Variants in KCNMA1 observed in about 807,000 individuals in gnomAD.
KCNMA1 encodes the protein potassium calcium-activated channel subfamily M alpha 1.
A neutral mutation model predicts 140.0 loss-of-function variants in KCNMA1; 29 were observed. The ratio of observed to expected loss-of-function variants is 0.21; its 90% CI spans 0.15 to 0.28. The LOEUF (loss-of-function observed/expected upper bound fraction) is 0.28, where lower values mean the gene tolerates loss of function less well. Ranked by LOEUF, KCNMA1 falls within the 10% of genes least tolerant of loss-of-function variation. The pLI is 1.00. For synonymous variants in KCNMA1, 612 were observed against 611.9 expected (o/e 1.00, Z 0.00); for missense variants, 880 against 1,602.2 (o/e 0.55, Z 7.70).
At chr10:77,548,013 A>T (rs1459820177) in intron 1 of KCNMA1, among the ~76,000 whole-genome samples, 1 of 152,086 alleles carries the variant, frequency 6.6e-6, no homozygotes, top group African/African-American at 2.4e-5. Context: ...ATTAAAAAAA[A>T]AAAATTGCCA....
chr10:77,320,999 C>T (rs2082188966), intron 2 of KCNMA1, among the ~76,000 whole-genome samples: 1 of 152,168 alleles, frequency 6.6e-6, no homozygotes, highest in Non-Finnish European at 1.5e-5. Flanking sequence ...ATTCACATCC[C>T]CCATCAAAAT....
chr10:77,030,527 A>C (rs2093855875), intron 15 of KCNMA1, among the ~76,000 whole-genome samples: 1 of 152,196 alleles, frequency 6.6e-6, no homozygotes, highest in Non-Finnish European at 1.5e-5. Flanking sequence ...CTAATATCCT[A>C]TGAGCAATGA....
chr10:77,095,470 C>G (rs1016844468), intron 9 of KCNMA1, among the ~76,000 whole-genome samples: 1 of 152,130 alleles, frequency 6.6e-6, no homozygotes, highest in African/African-American at 2.4e-5. Context: ...CCAGTGTGAG[C>G]AAGTAGTGCC....
intron 2 of KCNMA1, among the ~76,000 whole-genome samples, chr10:77,329,879 T>C (rs191795195): frequency 2.6e-5 from 4 of 152,264 alleles, no homozygotes; most frequent in Admixed American, 2.0e-4. Context: ...ACAAAAATAA[T>C]ACTTAGTTCA....
intron 1 of KCNMA1, among the ~76,000 whole-genome samples, chr10:77,545,065 T>C (rs536388031): frequency 1.7e-4 from 26 of 152,284 alleles, no homozygotes; most frequent in African/African-American, 5.3e-4. Flanking sequence ...CACTGAATGA[T>C]TAGTTTAAAT....
rs534022373 is a variant in KCNMA1 at position 77,509,896 on chromosome 10, G to A, written c.379-105873C>T. On this transcript the variant is annotated intron_variant, in intron 1 of 27. Transcript: ENST00000286628. ...CTCAGCAAGGCACAGCTAAATTCTG[G>A]GGATCATTAGTTGTCAAACACCAAC... Among the ~76,000 whole-genome samples the A allele has an allele frequency of 3.3e-5, 5 of 152,128 alleles. No individual in the cohort carries two copies. The South Asian group carries it at 1.0e-3, about 32-fold the overall frequency.
chr10:77,626,064 G>T (rs564431552), intron 1 of KCNMA1, among the ~76,000 whole-genome samples: 36 of 151,728 alleles, frequency 2.4e-4, no homozygotes, highest in African/African-American at 8.5e-4. Context: ...AGATGTGACT[G>T]TGTCCTTTTT....
intron 1 of KCNMA1, among the ~76,000 whole-genome samples, chr10:77,449,934 G>T (rs370920039): frequency 6.7e-6 from 1 of 148,590 alleles, no homozygotes. Context: ...GAGCCACCAC[G>T]CCTGGCCTAT....
intron 3 of KCNMA1, among the ~76,000 whole-genome samples, chr10:77,198,214 G>T (rs780905990): frequency 6.6e-6 from 1 of 152,208 alleles, no homozygotes; most frequent in Admixed American, 6.5e-5. Context: ...CAGAGCTGAA[G>T]CGGGTCAGAT....
At chr10:77,251,144 G>T in intron 3 of KCNMA1, 51 bp downstream of exon 3, 1 of 1,373,416 alleles carries the variant, frequency 7.3e-7, no homozygotes, top group Non-Finnish European at 1.0e-6. Flanking sequence ...CAATGTAAAG[G>T]CTCATGATTG....
downstream of KCNMA1, among the ~76,000 whole-genome samples, chr10:76,883,728 T>TTTG (rs2035601462): frequency 6.7e-6 from 1 of 150,066 alleles, no homozygotes; most frequent in African/African-American, 2.4e-5. Flanking sequence ...CTTGTTTTTT[T>TTTG]TTTTTTTTTT....
At chr10:76,952,265 A>G in intron 21 of KCNMA1, 2 of 1,305,078 alleles carry the variant, frequency 1.5e-6, no homozygotes, top group South Asian at 3.1e-5. Flanking sequence ...TCACGCCTGT[A>G]ATCCCAGCAC....
intron 1 of KCNMA1, among the ~76,000 whole-genome samples, chr10:77,470,711 G>A (rs1005100546): frequency 1.3e-5 from 2 of 152,148 alleles, no homozygotes. Context: ...TGCAGGCTCC[G>A]CCATCTTACT....
At chr10:77,156,332 G>T (rs1370127492) in intron 5 of KCNMA1, among the ~76,000 whole-genome samples, 1 of 151,564 alleles carries the variant, frequency 6.6e-6, no homozygotes, top group East Asian at 1.9e-4. Context: ...TGTCTTAGGA[G>T]GTAAAAGTTA....
intron 1 of KCNMA1, among the ~76,000 whole-genome samples, chr10:77,438,713 A>G (rs1289985682): frequency 6.6e-6 from 1 of 152,248 alleles, no homozygotes; most frequent in Non-Finnish European, 1.5e-5. Flanking sequence ...AAAAAGGGGC[A>G]GAGCCAGGAT....
intron 3 of KCNMA1, among the ~76,000 whole-genome samples, chr10:77,247,101 C>T (rs1176796635): frequency 1.3e-5 from 2 of 152,244 alleles, no homozygotes; most frequent in East Asian, 3.8e-4. Flanking sequence ...GTGAGCAGGA[C>T]TTGACCTTCA....
chr10:77,019,133 C>T, intron 16 of KCNMA1, 34 bp from the exon 17 acceptor site: 1 of 1,144,246 alleles, frequency 8.7e-7, no homozygotes, highest in Non-Finnish European at 1.3e-6. Flanking sequence ...AGAGAAGATA[C>T]ATTTGTGAGG....
At chr10:76,893,570 T>C (rs967189585) in intron 25 of KCNMA1, among the ~76,000 whole-genome samples, 1 of 151,888 alleles carries the variant, frequency 6.6e-6, no homozygotes, top group Non-Finnish European at 1.5e-5. Context: ...TGAATCCTAG[T>C]CTCTACTAAA....
intron 1 of KCNMA1, among the ~76,000 whole-genome samples, chr10:77,556,733 G>A (rs1208678112): frequency 6.6e-6 from 1 of 152,088 alleles, no homozygotes; most frequent in African/African-American, 2.4e-5. Flanking sequence ...TCCCAACCAA[G>A]TGCCTGATGC....
Sources: gnomAD v4.1 joint callset for allele counts (sites outside exome capture counted in the v4.1 genomes callset) on GRCh38, gnomAD v4.1.1 for gene constraint, MANE v1.5 for transcripts, NCBI Gene and HGNC (gene_info 2026-07-23, HGNC 2026-07-21) for gene names.